Variants in TRIM10 observed in about 807,000 individuals in gnomAD.
The protein encoded by TRIM10 is tripartite motif-containing protein 10.
In TRIM10, 42 loss-of-function variants were observed where a neutral mutation model predicts 40.0. The observed-to-expected ratio is 1.05, with a 90% CI of 0.82 to 1.36. The LOEUF is 1.36. Ranked by LOEUF, TRIM10 falls within the 40% of genes most tolerant of loss-of-function variation. The pLI, the probability that TRIM10 is intolerant of heterozygous loss-of-function variation, is 0.00. For synonymous variants in TRIM10, 260 were observed against 239.5 expected (o/e 1.09, Z -0.79); for missense variants, 601 against 608.3 (o/e 0.99, Z 0.13).
At chr6:30,155,329 T>C (rs1446016814) in intron 6 of TRIM10, among the ~76,000 whole-genome samples, 1 of 152,090 alleles carries the variant, frequency 6.6e-6, no homozygotes, top group Non-Finnish European at 1.5e-5. Flanking sequence ...AAGAGGTGAT[T>C]ATAAACCCAG....
chr6:30,156,993 G>A lies in TRIM10; in HGVS notation c.841C>T (p.Arg281Trp), dbSNP rs904681922. Reference protein sequence around the residue: ...AVSPELGQRIRDFPQQALPLQ... With the variant: ...AVSPELGQRIWDFPQQALPLQ... Reference sequence around the variant, plus strand: ...GGGAGGGCCTGCTGGGGAAAGTCCCGAATCCTCTGGCCCAGCTCTGGCGAC... The same window carrying A: ...GGGAGGGCCTGCTGGGGAAAGTCCCAAATCCTCTGGCCCAGCTCTGGCGAC... The change falls in exon 5 of 7, where the codon CGG (arginine) becomes TGG (tryptophan). Residue 281 changes from arginine to tryptophan, a missense_variant. Transcript: ENST00000449742. The A allele has an allele frequency of 7.4e-6, 12 of 1,612,934 alleles. No individual in the cohort carries two copies. The highest frequency in any genetic ancestry group is 1.6e-4 in the Middle Eastern group (1 of 6,084).
chr6:30,159,276 T>C (rs765945464), intron 1 of TRIM10, 31 bp from the exon 2 acceptor site: 9 of 1,482,786 alleles, frequency 6.1e-6, no homozygotes, highest in South Asian at 1.1e-5. Flanking sequence ...ATACTCAAGA[T>C]GGAAAATGAT....
chr6:30,157,185 T>A lies in TRIM10; in HGVS notation c.780-131A>T. The A allele has an allele frequency of 2.6e-6, 3 of 1,140,252 alleles. No homozygotes were observed. In the South Asian group the frequency reaches 4.4e-5, roughly 17 times the overall value. The allele number at this position is 1,140,252 out of a possible 1,614,324, so 70.6% of individuals were successfully genotyped here. ...GCAGACGTACTTCCTCTAGGATGAA[T>A]CCCACTGCCCATTTTTGGGCATCTA... On this transcript the variant is annotated intron_variant, in intron 4 of 6. Coordinates refer to ENST00000449742, the MANE Select transcript of TRIM10 (RefSeq NM_006778.4).
upstream of TRIM10, chr6:30,163,570 CTT>C: frequency 2.0e-5 from 27 of 1,352,726 alleles, 1 homozygote; most frequent in Non-Finnish European, 2.6e-5. Context: ...CTCTCTGTCT[CTT>C]AGCCTTGCAG....
chr6:30,157,657 C>CTTTTTTTTT (rs9278596), intron 3 of TRIM10, among the ~76,000 whole-genome samples: 11 of 77,864 alleles, frequency 1.4e-4, no homozygotes, highest in Non-Finnish European at 2.1e-4. Context: ...GGCTAATTTT[C>CTTTTTTTTT]TTTTTTTTTT....
upstream of TRIM10, chr6:30,163,894 GGCCCCTGT>G: frequency 6.2e-7 from 1 of 1,613,092 alleles, no homozygotes; most frequent in Admixed American, 1.7e-5. Context: ...AGACTCCCAT[GGCCCCTGT>G]GCCCCTGGGC....
At chr6:30,162,354 G>A (rs138040410), upstream of TRIM10, among the ~76,000 whole-genome samples, 22 of 152,038 alleles carry the variant, frequency 1.4e-4, no homozygotes, top group Admixed American at 6.5e-5. Flanking sequence ...TACATATACA[G>A]CATGCCGCCA....
At chr6:30,159,456 T>C (rs911771679) in intron 1 of TRIM10, among the ~76,000 whole-genome samples, 1 of 152,202 alleles carries the variant, frequency 6.6e-6, no homozygotes, top group Admixed American at 6.5e-5. Flanking sequence ...ATCAGGACTT[T>C]CCCCCTTTAT....
Position 30,154,349 on chromosome 6 carries a change from C to A in TRIM10, c.1066G>T (p.Ala356Ser), listed in dbSNP as rs745308557. The change falls in exon 7 of 7, where the codon GCC becomes TCC. Residue 356 changes from alanine (A) to serine (S), a missense_variant. Physicochemically the swap from Ala to Ser is moderately conservative, Grantham distance 99. Coordinates refer to ENST00000449742, the MANE Select transcript of TRIM10 (RefSeq NM_006778.4). The part of the protein sequence containing the change: ...QRFDRATCVL[A>S]HTGITGGRHT... ...CTCCCCCCTGTGATGCCAGTGTGGG[C>A]CAGAACACAGGTGGCCCGGTCAAAA... is the stretch of plus-strand genomic sequence containing the variant. 100 of 1,613,070 alleles carry A rather than the reference C, an allele frequency of 6.2e-5. 2 individuals are homozygous for A. The South Asian group carries it at 7.5e-4, about 12-fold the overall frequency.
Position 30,153,596 on chromosome 6 carries a change from A to G in TRIM10, c.*373T>C. 5 of 1,041,220 alleles carry G rather than the reference A, an allele frequency of 4.8e-6. No homozygotes were observed. The highest frequency in any genetic ancestry group is 7.3e-6 in the Non-Finnish European group (5 of 689,232). 64.5% of individuals were successfully genotyped at this position (1,041,220 alleles called of 1,614,324 possible). On this transcript the variant is annotated 3_prime_UTR_variant, in exon 7 of 7. Coordinates refer to ENST00000449742, the MANE Select transcript of TRIM10 (RefSeq NM_006778.4). Reference sequence around the variant, plus strand: ...ACATTATTGGAAGAAAACAAGATGAAAAGAGGTGAGATGCCTTGTTTAAAG... The same window carrying G: ...ACATTATTGGAAGAAAACAAGATGAGAAGAGGTGAGATGCCTTGTTTAAAG...
At position 30,160,925 on chromosome 6, in the gene TRIM10, T is replaced by C. The variant is rs549071736; in HGVS notation, c.-67A>G. 7.1e-7 allele frequency: 1 copy of C among 1,416,812 alleles called. No homozygotes were observed. Among genetic ancestry groups the C allele is most frequent in the Non-Finnish European group, 9.4e-7 (1 of 1,058,776 alleles). The allele number at this position is 1,416,812 out of a possible 1,614,324, so 87.8% of individuals were successfully genotyped here. ...GCTTGGCCACGGGGGAAGGGCTGGG[T>C]CACACACTCACACACCCACACATGC... On this transcript the variant is annotated 5_prime_UTR_variant, in exon 1 of 7. It removes the in-frame stop codon of an upstream open reading frame in the 5' UTR. Transcript: ENST00000449742.
At chr6:30,160,304 G>T in intron 1 of TRIM10, 126 bp downstream of exon 1, 2 of 1,032,580 alleles carry the variant, frequency 1.9e-6, no homozygotes, top group Non-Finnish European at 2.8e-6. Flanking sequence ...TGGGTCTATT[G>T]CCTGGGTGAT....
chr6:30,154,292 G>A lies in TRIM10; in HGVS notation c.1123C>T (p.His375Tyr), dbSNP rs1447219480. Residue 375 changes from histidine (H) to tyrosine (Y), a missense_variant, in exon 7 of 7, where the codon CAT becomes TAT. Transcript: ENST00000449742. Reference sequence around the variant, plus strand: ...ACGCCCACGGTGCAGCTGCCCCCATGGGCCAGGTCTATACTCACCACCCAC... The same window carrying A: ...ACGCCCACGGTGCAGCTGCCCCCATAGGCCAGGTCTATACTCACCACCCAC... Reference protein sequence around the residue: ...HTWVVSIDLAHGGSCTVGVVS... With the variant: ...HTWVVSIDLAYGGSCTVGVVS... 1.2e-6 allele frequency: 2 copies of A among 1,613,072 alleles called. No individual in the cohort carries two copies. Among genetic ancestry groups the A allele is most frequent in the African/African-American group, 1.3e-5 (1 of 75,042 alleles).
chr6:30,157,029 G>T lies in TRIM10; in HGVS notation c.805C>A (p.Pro269Thr). 6.2e-7 allele frequency: 1 copy of T among 1,613,052 alleles called. No homozygotes were observed. The highest frequency in any genetic ancestry group is 8.5e-7 in the Non-Finnish European group (1 of 1,180,022). ...CCCAGCTCTGGCGACACAGCCACCG[G>T]TTTCCGGCACTTTCTGGTTTCACAT... Reference protein sequence around the residue: ...IRCETRKCRKPVAVSPELGQR... With the variant: ...IRCETRKCRKTVAVSPELGQR... Residue 269 changes from proline to threonine, a missense_variant, in exon 5 of 7, where the codon CCG becomes ACG. Coordinates refer to ENST00000449742, the MANE Select transcript of TRIM10 (RefSeq NM_006778.4).
intron 1 of TRIM10, among the ~76,000 whole-genome samples, chr6:30,159,943 C>T (rs534390302): frequency 6.6e-6 from 1 of 152,258 alleles, no homozygotes; most frequent in South Asian, 2.1e-4. Context: ...GATAAAATGG[C>T]ATGCCACATA....
At chr6:30,159,292 C>T (rs754526209) in intron 1 of TRIM10, 47 bp from the exon 2 acceptor site, 19 of 1,408,278 alleles carry the variant, frequency 1.3e-5, no homozygotes, top group Non-Finnish European at 1.9e-5. Flanking sequence ...ATGATTTGTT[C>T]AGGTTTGTCT....
In TRIM10 at chr6:30,154,322, G is replaced by T. The variant is rs2127436311; in HGVS notation, c.1093C>A (p.His365Asn). ...AGGTCTATACTCACCACCCACGTGTGTCTCCCCCCTGTGATGCCAGTGTGG... is the reference window on the plus strand; with the variant it reads ...AGGTCTATACTCACCACCCACGTGTTTCTCCCCCCTGTGATGCCAGTGTGG... ...LAHTGITGGRHTWVVSIDLAH... is the reference protein window; with the variant it reads ...LAHTGITGGRNTWVVSIDLAH... Residue 365 changes from histidine (H) to asparagine (N), a missense_variant, in exon 7 of 7, where the codon CAC (histidine) becomes AAC (asparagine). By Grantham distance (68) the His-to-Asn change is moderately conservative. Coordinates refer to ENST00000449742, the MANE Select transcript of TRIM10 (RefSeq NM_006778.4). 1 of 1,613,098 alleles carries T rather than the reference G, an allele frequency of 6.2e-7. No homozygotes were observed. The highest frequency in any genetic ancestry group is 2.2e-5 in the East Asian group (1 of 44,878).
upstream of TRIM10, chr6:30,163,541 C>CCTTT: frequency 1.9e-6 from 2 of 1,080,830 alleles, no homozygotes; most frequent in Non-Finnish European, 1.3e-6. Context: ...GGCATTCTTG[C>CCTTT]CTCTCTCTCT....
Position 30,160,830 on chromosome 6 carries a change from A to G in TRIM10, c.29T>C (p.Leu10Pro). The G allele has an allele frequency of 6.2e-7, 1 of 1,612,696 alleles. No individual in the cohort carries two copies. Residue 10 changes from leucine to proline, a missense_variant, in exon 1 of 7, where the codon CTG becomes CCG. By Grantham distance (98) the Leu-to-Pro change is moderately conservative. Transcript: ENST00000449742. ...GATGGGGCAGTTGACTTCATCTGCC[A>G]GGCTGGTCACAGAGGCAGCAGAGGC... MASAASVTSLADEVNCPICQ... is the reference protein window; with the variant it reads MASAASVTSPADEVNCPICQ...
Sources: gnomAD v4.1 joint callset for allele counts (sites outside exome capture counted in the v4.1 genomes callset) on GRCh38, gnomAD v4.1.1 for gene constraint, MANE v1.5 for transcripts, NCBI Gene and HGNC (gene_info 2026-07-23, HGNC 2026-07-21) for gene names.